The following TMEM132A variants were observed in gnomAD, a reference collection of about 807,000 sequenced individuals.
TMEM132A encodes the protein GRP78-binding protein.
Under a neutral mutation model 69.9 loss-of-function variants are expected in TMEM132A, and 48 were observed. That is an observed-to-expected ratio of 0.69 (90% CI 0.55 to 0.87). The LOEUF is 0.87. Among genes scored for constraint, TMEM132A ranks in the 40% least tolerant of loss-of-function variants. The probability of loss-of-function intolerance (pLI) is 0.00; values close to 1 mark genes in which losing one functional copy is unlikely to be tolerated. For missense variants in TMEM132A, 1,287 were observed against 1,407.2 expected (o/e 0.91, Z 1.37); for synonymous variants, 577 against 613.7 (o/e 0.94, Z 0.88).
Position 60,936,915 on chromosome 11 carries a change from C to T in TMEM132A, c.*8C>T, listed in dbSNP as rs768040122. ...ATCCGGGGCAGCTCCTGACCCTCCA[C>T]AGCCACCTGGTCAGCCACCAGCTGG... On this transcript the variant is annotated 3_prime_UTR_variant, in exon 11 of 11. Transcript: ENST00000453848. 12 of 1,520,642 alleles carry T rather than the reference C, an allele frequency of 7.9e-6. No homozygotes were observed. In the African/African-American group the frequency reaches 8.3e-5, roughly 11 times the overall value. The allele number at this position is 1,520,642 out of a possible 1,614,324, so 94.2% of individuals were successfully genotyped here. A position where few individuals can be genotyped will look rare whatever the true frequency, so the allele number is the denominator to read the frequency against.
At position 60,932,049 on chromosome 11, in the gene TMEM132A, C is replaced by T. The variant is rs1381068755; in HGVS notation, c.1278C>T (p.Val426=). The change falls in exon 7 of 11, where the codon GTC becomes GTT. Residue 426 remains valine (V), a synonymous_variant. Coordinates refer to ENST00000453848, the MANE Select transcript of TMEM132A (RefSeq NM_178031.3). The stretch of plus-strand genomic sequence containing the variant: ...CCCAGCATGTCCCCGTGCGCCTTGT[C>T]ACTGTGGACGGCGGGGGGGCCTTGG... ...GVPQHVPVRL[V]TVDGGGALVE... is the part of the protein sequence containing the mutation. 1.3e-6 allele frequency: 2 copies of T among 1,594,770 alleles called. No individual in the cohort carries two copies. Among genetic ancestry groups the T allele is most frequent in the Non-Finnish European group, 8.5e-7 (1 of 1,171,320 alleles).
At chr11:60,926,239 A>G (rs1392463772) in intron 1 of TMEM132A, among the ~76,000 whole-genome samples, 1 of 152,182 alleles carries the variant, frequency 6.6e-6, no homozygotes, top group African/African-American at 2.4e-5. Flanking sequence ...GAGTGGAGAG[A>G]GAAGTGGCAG....
chr11:60,934,233 G>A (rs1856541362), intron 8 of TMEM132A: 3 of 407,614 alleles, frequency 7.4e-6, no homozygotes, highest in Non-Finnish European at 1.3e-5. Flanking sequence ...CCCCGTAAGA[G>A]AGCGTCTCCC....
intron 4 of TMEM132A, among the ~76,000 whole-genome samples, chr11:60,929,991 G>T (rs189637723): frequency 6.6e-6 from 1 of 152,176 alleles, no homozygotes; most frequent in Non-Finnish European, 1.5e-5. Flanking sequence ...TTCAAAGTGC[G>T]GTGGGAGCTC....
intron 3 of TMEM132A, 91 bp from the exon 4 acceptor site, chr11:60,928,538 C>T: frequency 8.0e-7 from 1 of 1,257,148 alleles, no homozygotes. Flanking sequence ...TGAGCCCCTC[C>T]AGCTCTGGGT....
rs147239477 is a variant in TMEM132A, at chr11:60,931,753, G to A, written c.1081G>A (p.Val361Ile). Residue 361 changes from valine (V) to isoleucine (I), a missense_variant, in exon 6 of 11, where the codon GTA (valine) becomes ATA (isoleucine). Physicochemically the swap from Val to Ile is conservative, Grantham distance 29. Transcript: ENST00000453848. The part of the protein sequence containing the change: ...FVVENSTGGG[V>I]AVTRPVTWQL... ...GGTGGAGAATAGCACTGGTGGGGGCGTAGCGGTCACTCGCCCCGTCACGTG... is the reference window on the plus strand; with the variant it reads ...GGTGGAGAATAGCACTGGTGGGGGCATAGCGGTCACTCGCCCCGTCACGTG... 51 of 1,614,214 alleles carry A rather than the reference G, an allele frequency of 3.2e-5. 1 individual carries two copies. The highest frequency in any genetic ancestry group is 2.3e-4 in the African/African-American group (17 of 75,048).
intron 7 of TMEM132A, 115 bp downstream of exon 7, chr11:60,932,242 C>A: frequency 1.6e-6 from 2 of 1,278,660 alleles, no homozygotes; most frequent in Non-Finnish European, 1.0e-6. Context: ...CTTCTTGAGA[C>A]GAGAAACCTC....
intron 3 of TMEM132A, among the ~76,000 whole-genome samples, chr11:60,928,320 A>G (rs73493058): frequency 0.037 from 5,687 of 152,260 alleles, 321 homozygotes; most frequent in African/African-American, 0.13. Flanking sequence ...TTCTGAGAAG[A>G]AGACTGGATT....
rs780754440 is a variant in TMEM132A at position 60,933,586 on chromosome 11, C to G, written c.1401C>G (p.Ser467Arg). Residue 467 changes from serine to arginine, a missense_variant, in exon 8 of 11, where the codon AGC (serine) becomes AGG (arginine). Transcript: ENST00000453848. The stretch of plus-strand genomic sequence containing the variant: ...CCGTGTTCGTGGCTGGCAAGGAGAG[C>G]CGGGGCGCCCGGGGGGTGCGAGTGG... ...CDAVFVAGKE[S>R]RGARGVRVDF... 11 of 1,607,410 alleles carry G rather than the reference C, an allele frequency of 6.8e-6. No individual in the cohort carries two copies. The Admixed American group carries it at 1.8e-4, about 27-fold the overall frequency.
rs1000676786 is a variant in TMEM132A at position 60,924,551 on chromosome 11, C to T, written c.-83C>T. On this transcript the variant is annotated 5_prime_UTR_variant, in exon 1 of 11. It adds an upstream start codon to the 5' untranslated region. Coordinates refer to ENST00000453848, the MANE Select transcript of TMEM132A (RefSeq NM_178031.3). Reference sequence around the variant, plus strand: ...CGGGACCCAGCGGGCCAGGTGGGGACGGCGCGGAGCGGGTGCGGGAGATGC... The same window carrying T: ...CGGGACCCAGCGGGCCAGGTGGGGATGGCGCGGAGCGGGTGCGGGAGATGC... 5.2e-6 allele frequency: 6 copies of T among 1,161,524 alleles called. No individual in the cohort carries two copies. Among genetic ancestry groups the T allele is most frequent in the Non-Finnish European group, 4.7e-6 (4 of 850,944 alleles). 72.0% of individuals were successfully genotyped at this position (1,161,524 alleles called of 1,614,324 possible). A position where few individuals can be genotyped will look rare whatever the true frequency, so the allele number is the denominator to read the frequency against.
At chr11:60,931,652 G>A (rs374128422) in intron 5 of TMEM132A, 37 bp from the exon 6 acceptor site, 4 of 1,573,604 alleles carry the variant, frequency 2.5e-6, no homozygotes, top group Non-Finnish European at 3.5e-6. Context: ...CTGGCAGCTA[G>A]CAAGCATTTG....
At chr11:60,934,978 G>A (rs1013424693) in intron 9 of TMEM132A, among the ~76,000 whole-genome samples, 1 of 152,188 alleles carries the variant, frequency 6.6e-6, no homozygotes, top group South Asian at 2.1e-4. Flanking sequence ...CTGAGGTGTG[G>A]GTAGTGTGGG....
At chr11:60,926,696 G>T in intron 1 of TMEM132A, 1 of 211,132 alleles carries the variant, frequency 4.7e-6, no homozygotes. Flanking sequence ...AGGGAAGAAG[G>T]GAGCAAGCTT....
At chr11:60,929,163 G>A (rs1856422067) in intron 4 of TMEM132A, among the ~76,000 whole-genome samples, 1 of 152,252 alleles carries the variant, frequency 6.6e-6, no homozygotes, top group Admixed American at 6.5e-5. Context: ...ATTAGAGTCA[G>A]AAGTAGGAAG....
In TMEM132A at chr11:60,937,003, T is replaced by G. The variant is rs988527170; in HGVS notation, c.*96T>G. 116 of 1,309,422 alleles carry G rather than the reference T, an allele frequency of 8.9e-5. No homozygotes were observed. Among genetic ancestry groups the G allele is most frequent in the Non-Finnish European group, 1.1e-4 (111 of 978,896 alleles). The allele number at this position is 1,309,422 out of a possible 1,614,324, so 81.1% of individuals were successfully genotyped here. On this transcript the variant is annotated 3_prime_UTR_variant, in exon 11 of 11. Transcript: ENST00000453848. The stretch of plus-strand genomic sequence containing the variant: ...GCCCCCGCCACTCGTCTGGTGCTTG[T>G]TGATCCAAGTCCCCTGCCTGGTCCC...
At chr11:60,932,363 G>A (rs889046282) in intron 7 of TMEM132A, 6 of 435,308 alleles carry the variant, frequency 1.4e-5, no homozygotes, top group Non-Finnish European at 2.4e-5. Flanking sequence ...TATTGCACTG[G>A]CAAGTGCGCT....
In TMEM132A at chr11:60,935,772, C is replaced by T. The variant is rs1856579952; in HGVS notation, c.2029-92C>T. 1 of 1,426,496 alleles carries T rather than the reference C, an allele frequency of 7.0e-7. No homozygotes were observed. The highest frequency in any genetic ancestry group is 1.4e-5 in the African/African-American group (1 of 70,142). 88.4% of individuals were successfully genotyped at this position (1,426,496 alleles called of 1,614,324 possible). On this transcript the variant is annotated intron_variant, in intron 10 of 10. Coordinates refer to ENST00000453848, the MANE Select transcript of TMEM132A (RefSeq NM_178031.3). This position sits in a 1 kb window ranked among gnomAD's most constrained non-coding sequence, Gnocchi z 5.0. ...TGTGTCTCTGTTTTCTCTCTGGTCT[C>T]TCCTCCATGTGGCCTATCTCTGTGG...
chr11:60,927,476 TG>T lies in TMEM132A; in HGVS notation c.315+61del, dbSNP rs1052895927. ...ACAGGACTCAGGGCCTGAGGTCTGC[TG>T]GGTACAAATTGGGAGCCTTCCCCAG... On this transcript the variant is annotated intron_variant, in intron 2 of 10. Transcript: ENST00000453848. The T allele has an allele frequency of 3.8e-5, 58 of 1,525,172 alleles. No individual in the cohort carries two copies. The African/African-American group carries it at 7.6e-4, about 20-fold the overall frequency. 94.5% of individuals were successfully genotyped at this position (1,525,172 alleles called of 1,614,324 possible).
chr11:60,928,561 G>A (rs1856400433), intron 3 of TMEM132A, 68 bp from the exon 4 acceptor site: 2 of 1,448,936 alleles, frequency 1.4e-6, no homozygotes, highest in Non-Finnish European at 9.5e-7. Flanking sequence ...CCTGCCATGG[G>A]TGCTGAGAAT....
Sources: gnomAD v4.1 joint callset for allele counts (sites outside exome capture counted in the v4.1 genomes callset) on GRCh38, gnomAD v4.1.1 for gene constraint, Gnocchi (gnomAD v3.1) non-coding constraint, MANE v1.5 for transcripts, NCBI Gene and HGNC (gene_info 2026-07-23, HGNC 2026-07-21) for gene names.